The following GCC2 variants were observed in gnomAD, a reference collection of about 807,000 sequenced individuals.
The protein encoded by GCC2 is GRIP and coiled-coil domain-containing protein 2.
A neutral mutation model predicts 210.6 loss-of-function variants in GCC2; 120 were observed. The ratio of observed to expected loss-of-function variants is 0.57; its 90% CI spans 0.49 to 0.66. GCC2 has a LOEUF of 0.66. Ranked by LOEUF, GCC2 falls within the 30% of genes least tolerant of loss-of-function variation. The pLI, the probability that GCC2 is intolerant of heterozygous loss-of-function variation, is 0.00. For missense variants in GCC2, 1,868 were observed against 1,871.9 expected, an observed-to-expected ratio of 1.00 and a Z score of 0.04; for synonymous variants, 703 against 652.7, an observed-to-expected ratio of 1.08 and a Z score of -1.17.
chr2:108,493,151 G>A (rs989653628), intron 19 of GCC2: 34 of 274,404 alleles, frequency 1.2e-4, no homozygotes, highest in Admixed American at 1.2e-3. Context: ...GTGCAGTGGC[G>A]CGATCTCGGC....
At chr2:108,474,292 G>A (rs1316210325) in intron 7 of GCC2, among the ~76,000 whole-genome samples, 2 of 152,202 alleles carry the variant, frequency 1.3e-5, no homozygotes, top group African/African-American at 2.4e-5. Context: ...AGAAGGAACA[G>A]CTAGTAAGGT....
chr2:108,463,352 G>A (rs1007388026), intron 4 of GCC2, among the ~76,000 whole-genome samples: 1 of 151,838 alleles, frequency 6.6e-6, no homozygotes, highest in East Asian at 1.9e-4. Context: ...ATTTACTTTT[G>A]TAGGGAAGAA....
At chr2:108,501,693 G>A (rs948084956) in intron 22 of GCC2, among the ~76,000 whole-genome samples, 6 of 151,956 alleles carry the variant, frequency 3.9e-5, no homozygotes, top group Admixed American at 1.3e-4. Flanking sequence ...TCCAATTGCT[G>A]GTCCCCAATT....
chr2:108,480,750 G>C (rs548111175), intron 9 of GCC2, among the ~76,000 whole-genome samples: 1 of 94,336 alleles, frequency 1.1e-5, no homozygotes, highest in Non-Finnish European at 2.3e-5. Flanking sequence ...GGGCCTAACA[G>C]AAGGTGGAGG....
chr2:108,488,372 G>GA (rs1682248023), intron 17 of GCC2, among the ~76,000 whole-genome samples: 1 of 152,152 alleles, frequency 6.6e-6, no homozygotes, highest in South Asian at 2.1e-4. Flanking sequence ...GTGAAGCCAG[G>GA]ATATGAGATA....
At position 108,475,778 on chromosome 2, in the gene GCC2, A is replaced by G. The variant is rs1348399041; in HGVS notation, c.2988A>G (p.Glu996=). ...CCCAGACTGTGAAGGAAGAACTTGA[A>G]TCTCTTCGATCAGAAAAGGACCAGT... is the stretch of plus-strand genomic sequence containing the variant. The part of the protein sequence containing the change: ...KETQTVKEEL[E]SLRSEKDQLS... Residue 996 remains glutamate (E), a synonymous_variant, in exon 9 of 23, where the codon GAA becomes GAG. Transcript: ENST00000309863. 1.2e-6 allele frequency: 2 copies of G among 1,606,100 alleles called. No individual in the cohort carries two copies. Among genetic ancestry groups the G allele is most frequent in the Non-Finnish European group, 1.7e-6 (2 of 1,176,288 alleles).
intron 4 of GCC2, among the ~76,000 whole-genome samples, chr2:108,452,874 A>G (rs1300510497): frequency 6.6e-6 from 1 of 151,686 alleles, no homozygotes; most frequent in Non-Finnish European, 1.5e-5. Context: ...TTGTATTTTA[A>G]GTAGAGACGG....
intron 19 of GCC2, chr2:108,494,313 G>GC (rs1239139285): frequency 6.6e-6 from 1 of 152,360 alleles, no homozygotes; most frequent in African/African-American, 2.4e-5. Flanking sequence ...GGCAGAGGTT[G>GC]CTGTGAGCCA....
At chr2:108,503,241 C>T (rs1448705754) in intron 22 of GCC2, among the ~76,000 whole-genome samples, 1 of 151,832 alleles carries the variant, frequency 6.6e-6, no homozygotes, top group African/African-American at 2.4e-5. Flanking sequence ...AGAGAAATCT[C>T]AAAAGCAGCC....
intron 9 of GCC2, 97 bp downstream of exon 9, chr2:108,475,947 A>T: frequency 1.6e-6 from 1 of 633,128 alleles, no homozygotes; most frequent in Non-Finnish European, 2.7e-6. Flanking sequence ...TGTCAACAAA[A>T]CAATCACCTT....
chr2:108,489,854 C>T lies in GCC2; in HGVS notation c.4069C>T (p.Leu1357=), dbSNP rs769785023. ...CTGTTTTAGGGAACATCTGGAAATG[C>T]TGATTGACCAGCTAAAAATCAAATT... is the stretch of plus-strand genomic sequence containing the variant. ...AKQEREHLEM[L]IDQLKIKLQD... Residue 1357 remains leucine (L), a synonymous_variant, in exon 18 of 23, where the codon CTG becomes TTG. Transcript: ENST00000309863. 1.9e-6 allele frequency: 3 copies of T among 1,598,948 alleles called. No homozygotes were observed. The highest frequency in any genetic ancestry group is 1.1e-5 in the South Asian group (1 of 88,644).
At chr2:108,503,009 G>C (rs1162694047) in intron 22 of GCC2, among the ~76,000 whole-genome samples, 2 of 151,416 alleles carry the variant, frequency 1.3e-5, no homozygotes, top group Non-Finnish European at 2.9e-5. Context: ...AAAAACAATA[G>C]TGGGAAAAGA....
At chr2:108,491,340 T>C (rs1362216369) in intron 18 of GCC2, among the ~76,000 whole-genome samples, 1 of 152,212 alleles carries the variant, frequency 6.6e-6, no homozygotes, top group Non-Finnish European at 1.5e-5. Flanking sequence ...CCTCTAATTT[T>C]TATCCTGCTT....
rs538764226 is a variant in GCC2, at chr2:108,453,349, T to TC, written c.216+884dup. The stretch of plus-strand genomic sequence containing the variant: ...AGATATTGTTCCAGTTTATCTTTTT[T>TC]CTCTCTATTTCTATGGCTTTATGTT... On this transcript the variant is annotated intron_variant, in intron 4 of 22. Coordinates refer to ENST00000309863, the MANE Select transcript of GCC2 (RefSeq NM_181453.4). Among the ~76,000 whole-genome samples the TC allele has an allele frequency of 3.1e-3, 467 of 152,364 alleles. 2 individuals are homozygous for TC. Among genetic ancestry groups the TC allele is most frequent in the Admixed American group, 5.5e-3 (84 of 15,308 alleles).
chr2:108,466,511 C>T (rs1350129155), intron 4 of GCC2, among the ~76,000 whole-genome samples: 1 of 151,898 alleles, frequency 6.6e-6, no homozygotes, highest in East Asian at 1.9e-4. Flanking sequence ...CTCGCTCTGT[C>T]ACCCAGGCTG....
At chr2:108,454,895 G>A (rs1680168517) in intron 4 of GCC2, among the ~76,000 whole-genome samples, 1 of 149,436 alleles carries the variant, frequency 6.7e-6, no homozygotes, top group South Asian at 2.2e-4. Flanking sequence ...ATTTCTGGGG[G>A]ATTTTTTTTT....
chr2:108,454,139 C>T (rs1053221412), intron 4 of GCC2, among the ~76,000 whole-genome samples: 20 of 152,082 alleles, frequency 1.3e-4, no homozygotes, highest in African/African-American at 9.7e-5. Flanking sequence ...TACAGGCACC[C>T]GCCACCATGC....
Position 108,449,642 on chromosome 2 carries a change from C to G in GCC2, c.16C>G (p.Gln6Glu). MEDLV[Q>E]DGVASPATPG... Reference sequence around the variant, plus strand: ...TGATTTTGTTTTGCAGGATCTTGTTCAAGATGGGGTGGCTTCACCAGCTAC... The same window carrying G: ...TGATTTTGTTTTGCAGGATCTTGTTGAAGATGGGGTGGCTTCACCAGCTAC... Residue 6 changes from glutamine (Q) to glutamate (E), a missense_variant, in exon 2 of 23, where the codon CAA (glutamine) becomes GAA (glutamate). Physicochemically the swap from Gln to Glu is conservative, Grantham distance 29. Transcript: ENST00000309863. 1 of 1,613,568 alleles carries G rather than the reference C, an allele frequency of 6.2e-7. No individual in the cohort carries two copies.
intron 4 of GCC2, among the ~76,000 whole-genome samples, chr2:108,462,054 G>C (rs1680617640): frequency 6.9e-6 from 1 of 145,526 alleles, no homozygotes; most frequent in Middle Eastern, 3.6e-3. Flanking sequence ...AGCCAGGATG[G>C]TCTTGATCTC....
Sources: gnomAD v4.1 joint callset for allele counts (sites outside exome capture counted in the v4.1 genomes callset) on GRCh38, gnomAD v4.1.1 for gene constraint, MANE v1.5 for transcripts, NCBI Gene and HGNC (gene_info 2026-07-23, HGNC 2026-07-21) for gene names.